The following KCNQ3 variants were observed in gnomAD, a reference collection of about 807,000 sequenced individuals.
KCNQ3 encodes the protein potassium voltage-gated channel subfamily Q member 3.
KCNQ3 carries 30 observed loss-of-function variants against 92.5 expected under a neutral mutation model. The observed-to-expected ratio is 0.32, with a 90% CI of 0.24 to 0.44. KCNQ3 has a LOEUF of 0.44. KCNQ3 is among the 20% of genes least tolerant of loss of function. The probability of loss-of-function intolerance (pLI) is 1.00; values close to 1 mark genes in which losing one functional copy is unlikely to be tolerated. For missense variants in KCNQ3, 913 were observed against 1,140.3 expected (o/e 0.80, Z 2.87); for synonymous variants, 450 against 468.8 (o/e 0.96, Z 0.52).
intron 1 of KCNQ3, among the ~76,000 whole-genome samples, chr8:132,229,512 G>A (rs151066546): frequency 6.4e-4 from 97 of 152,126 alleles, no homozygotes; most frequent in African/African-American, 2.3e-3. Flanking sequence ...ACATGAGCAG[G>A]TTCGGAAGAA....
At chr8:132,335,586 T>C (rs1049224379) in intron 1 of KCNQ3, among the ~76,000 whole-genome samples, 1 of 152,102 alleles carries the variant, frequency 6.6e-6, no homozygotes, top group Non-Finnish European at 1.5e-5. Flanking sequence ...CCAGCAAAGG[T>C]TGGGGATGTC....
chr8:132,392,538 C>T (rs1381196850), intron 1 of KCNQ3, among the ~76,000 whole-genome samples: 2 of 151,990 alleles, frequency 1.3e-5, no homozygotes, highest in African/African-American at 4.8e-5. Flanking sequence ...TCTCTCTCAA[C>T]TCTATATTCA....
chr8:132,247,322 G>T (rs1815213210), intron 1 of KCNQ3, among the ~76,000 whole-genome samples: 1 of 152,152 alleles, frequency 6.6e-6, no homozygotes, highest in Admixed American at 6.6e-5. Context: ...AGATGCAAGA[G>T]AAAATGAAGT....
In KCNQ3 at chr8:132,302,828, T is replaced by C. The variant is rs1246820345; in HGVS notation, c.387-116647A>G. 2.0e-5 allele frequency among the ~76,000 whole-genome samples: 3 copies of C among 152,184 alleles called. 1 individual carries two copies. The highest frequency in any genetic ancestry group is 2.0e-4 in the Admixed American group (3 of 15,284). On this transcript the variant is annotated intron_variant, in intron 1 of 14. Coordinates refer to ENST00000388996, the MANE Select transcript of KCNQ3 (RefSeq NM_004519.4). ...ATCCCAAGACCTCTCAGCATGGTGG[T>C]CCTTTGGCCCACAGGTGATTTGGAT...
In KCNQ3 at chr8:132,350,492, G is replaced by A. The variant is rs558534109; in HGVS notation, c.386+129655C>T. On this transcript the variant is annotated intron_variant, in intron 1 of 14. Transcript: ENST00000388996. ...CACCTAGCCAATGAGCACCCAGATG[G>A]CACTGATTCCAAAGCAGGGGCCACT... 1.4e-4 allele frequency among the ~76,000 whole-genome samples: 22 copies of A among 152,202 alleles called. No homozygotes were observed. The South Asian group carries it at 4.2e-3, about 29-fold the overall frequency.
intron 1 of KCNQ3, among the ~76,000 whole-genome samples, chr8:132,332,194 G>A (rs947993399): frequency 2.0e-5 from 3 of 152,172 alleles, no homozygotes; most frequent in Non-Finnish European, 4.4e-5. Flanking sequence ...CCATGGAGAG[G>A]TGCCTGTGGG....
chr8:132,241,355 T>C (rs1277830813), intron 1 of KCNQ3, among the ~76,000 whole-genome samples: 1 of 152,202 alleles, frequency 6.6e-6, no homozygotes, highest in Non-Finnish European at 1.5e-5. Flanking sequence ...TATAAAGGTG[T>C]TATGCAATGG....
intron 1 of KCNQ3, among the ~76,000 whole-genome samples, chr8:132,463,698 C>T (rs144014740): frequency 0.015 from 2,240 of 152,320 alleles, 28 homozygotes; most frequent in Non-Finnish European, 0.021. Flanking sequence ...AATTTCCTCC[C>T]TTTTATCAAA....
intron 9 of KCNQ3, among the ~76,000 whole-genome samples, chr8:132,156,787 TG>T: frequency 6.6e-6 from 1 of 152,198 alleles, no homozygotes; most frequent in South Asian, 2.1e-4. Flanking sequence ...ATAGGGTCTT[TG>T]CTGATGGAAT....
At chr8:132,461,694 C>T (rs190460389) in intron 1 of KCNQ3, among the ~76,000 whole-genome samples, 18 of 152,324 alleles carry the variant, frequency 1.2e-4, no homozygotes, top group African/African-American at 4.3e-4. Flanking sequence ...ACATTGTCCT[C>T]GCTTTGGATT....
intron 1 of KCNQ3, among the ~76,000 whole-genome samples, chr8:132,324,298 T>C (rs1376083588): frequency 1.3e-5 from 2 of 152,218 alleles, no homozygotes; most frequent in Non-Finnish European, 2.9e-5. Context: ...CCTTGGATCC[T>C]CTCTTCTCAG....
intron 9 of KCNQ3, among the ~76,000 whole-genome samples, chr8:132,154,210 T>TTTTTTG (rs1825734822): frequency 6.9e-6 from 1 of 144,856 alleles, no homozygotes; most frequent in Non-Finnish European, 1.5e-5. Context: ...TTTTTTTTTT[T>TTTTTTG]TTTTTTTTTT....
intron 1 of KCNQ3, among the ~76,000 whole-genome samples, chr8:132,465,027 T>C (rs1822140012): frequency 6.6e-6 from 1 of 152,196 alleles, no homozygotes; most frequent in Admixed American, 6.5e-5. Context: ...GTTCAAGTCA[T>C]GGCACAAAAA....
At chr8:132,468,528 G>A (rs975103955) in intron 1 of KCNQ3, among the ~76,000 whole-genome samples, 11 of 152,350 alleles carry the variant, frequency 7.2e-5, no homozygotes, top group African/African-American at 2.4e-4. Context: ...TAGGAGAACC[G>A]GGTTTGGTGA....
intron 1 of KCNQ3, among the ~76,000 whole-genome samples, chr8:132,445,271 G>C (rs139988489): frequency 6.6e-6 from 1 of 152,126 alleles, no homozygotes; most frequent in East Asian, 1.9e-4. Context: ...GAAAGGAAGA[G>C]GGTCAGGCCC....
intron 1 of KCNQ3, among the ~76,000 whole-genome samples, chr8:132,267,138 G>T (rs750441644): frequency 2.6e-5 from 4 of 152,098 alleles, no homozygotes; most frequent in Non-Finnish European, 5.9e-5. Context: ...TCCATTGACT[G>T]CAGTCATAAT....
At chr8:132,191,369 G>A (rs1827153416) in intron 1 of KCNQ3, among the ~76,000 whole-genome samples, 1 of 151,952 alleles carries the variant, frequency 6.6e-6, no homozygotes, top group African/African-American at 2.4e-5. Context: ...TGTTGCCCAG[G>A]CTGGTCTTGA....
At chr8:132,270,360 T>G (rs145539448) in intron 1 of KCNQ3, among the ~76,000 whole-genome samples, 28 of 152,318 alleles carry the variant, frequency 1.8e-4, no homozygotes, top group African/African-American at 6.7e-4. Flanking sequence ...CACAGGCATT[T>G]TATTGCAGAA....
intron 4 of KCNQ3, among the ~76,000 whole-genome samples, chr8:132,176,904 C>G (rs62519580): frequency 6.6e-6 from 1 of 152,126 alleles, no homozygotes; most frequent in Non-Finnish European, 1.5e-5. Flanking sequence ...ACACATTGTA[C>G]GGGTGTGAGT....
Sources: gnomAD v4.1 joint callset for allele counts (sites outside exome capture counted in the v4.1 genomes callset) on GRCh38, gnomAD v4.1.1 for gene constraint, MANE v1.5 for transcripts, NCBI Gene and HGNC (gene_info 2026-07-23, HGNC 2026-07-21) for gene names.